Variants in TBC1D4 observed in about 807,000 individuals in gnomAD.
The protein encoded by TBC1D4 is TBC (Tre-2, BUB2, CDC16) domain-containing protein.
A neutral mutation model predicts 142.5 loss-of-function variants in TBC1D4; 121 were observed. That is an observed-to-expected ratio of 0.85 (90% CI 0.73 to 0.99). The LOEUF is 0.99. TBC1D4 is among the 50% of genes least tolerant of loss of function. TBC1D4 has a pLI of 0.00. For missense variants in TBC1D4, 1,475 were observed against 1,606.6 expected, an observed-to-expected ratio of 0.92 and a Z score of 1.40; for synonymous variants, 630 against 628.2, an observed-to-expected ratio of 1.00 and a Z score of -0.04.
At position 75,338,025 on chromosome 13, in the gene TBC1D4, G is replaced by T. The variant is rs938116601; in HGVS notation, c.1612-985C>A. On this transcript the variant is annotated intron_variant, in intron 7 of 20. Transcript: ENST00000377636. ...AACCTTGAATGTTCTTAAGTGCCAGGTAAATAGGAAGAATTAGCAATCCAA... is the reference window on the plus strand; with the variant it reads ...AACCTTGAATGTTCTTAAGTGCCAGTTAAATAGGAAGAATTAGCAATCCAA... Among the ~76,000 whole-genome samples, 14 of 152,298 alleles carry T rather than the reference G, an allele frequency of 9.2e-5. No homozygotes were observed. In the South Asian group the frequency reaches 2.9e-3, roughly 32 times the overall value.
chr13:75,461,592 G>A (rs1401001836), intron 1 of TBC1D4, among the ~76,000 whole-genome samples: 3 of 152,184 alleles, frequency 2.0e-5, no homozygotes, highest in Non-Finnish European at 4.4e-5. Flanking sequence ...GATTCAACCT[G>A]TAAATGTCAT....
At chr13:75,357,421 T>G (rs1400087768) in intron 3 of TBC1D4, among the ~76,000 whole-genome samples, 1 of 152,166 alleles carries the variant, frequency 6.6e-6, no homozygotes, top group Non-Finnish European at 1.5e-5. Flanking sequence ...ACCTCGATTT[T>G]CATCTTTCCA....
chr13:75,357,880 ATTTC>A (rs1283446798), intron 3 of TBC1D4, among the ~76,000 whole-genome samples: 6 of 152,176 alleles, frequency 3.9e-5, no homozygotes, highest in African/African-American at 1.4e-4. Flanking sequence ...GCTTCTGTTT[ATTTC>A]TTTTTCTGAA....
At chr13:75,461,688 G>T (rs149743665) in intron 1 of TBC1D4, among the ~76,000 whole-genome samples, 245 of 152,190 alleles carry the variant, frequency 1.6e-3, no homozygotes, top group African/African-American at 5.7e-3. Context: ...CTACATACAG[G>T]TAGCTACACT....
intron 16 of TBC1D4, among the ~76,000 whole-genome samples, chr13:75,301,216 A>AAT (rs1277932013): frequency 6.6e-6 from 1 of 152,192 alleles, no homozygotes; most frequent in Non-Finnish European, 1.5e-5. Flanking sequence ...GTCAAATGCC[A>AAT]ATATATAATA....
chr13:75,432,978 C>T (rs1403004433), intron 1 of TBC1D4, among the ~76,000 whole-genome samples: 4 of 151,648 alleles, frequency 2.6e-5, no homozygotes, highest in Admixed American at 2.6e-4. Context: ...GTCACAATGC[C>T]TATGCTCTTT....
intron 12 of TBC1D4, among the ~76,000 whole-genome samples, 196 bp downstream of exon 12, chr13:75,319,818 C>T (rs539582145): frequency 6.6e-6 from 1 of 152,300 alleles, no homozygotes; most frequent in South Asian, 2.1e-4. Context: ...TGTCTGCAAT[C>T]AACATTTTAC....
chr13:75,286,901 T>C lies in TBC1D4; in HGVS notation c.3788A>G (p.Glu1263Gly), dbSNP rs1192291085. The change falls in exon 21 of 21, where the codon GAG (glutamate) becomes GGG (glycine). Residue 1263 changes from glutamate to glycine, a missense_variant. Coordinates refer to ENST00000377636, the MANE Select transcript of TBC1D4 (RefSeq NM_014832.5). ...QEKMAYQKTVEQLRKLLPADA... is the reference protein window; with the variant it reads ...QEKMAYQKTVGQLRKLLPADA... ...CGCGGGCAGCAGCTTCCGGAGTTGC[T>C]CCACTGTCTTTTGATAAGCCATTTT... 6.2e-7 allele frequency: 1 copy of C among 1,613,998 alleles called. No homozygotes were observed. The highest frequency in any genetic ancestry group is 8.5e-7 in the Non-Finnish European group (1 of 1,179,974).
intron 17 of TBC1D4, among the ~76,000 whole-genome samples, chr13:75,296,648 T>C (rs1203252395): frequency 6.6e-6 from 1 of 151,666 alleles, no homozygotes; most frequent in Non-Finnish European, 1.5e-5. Context: ...AAGGCAAACC[T>C]GCAGATTAAA....
intron 15 of TBC1D4, chr13:75,302,925 A>G: frequency 5.9e-6 from 1 of 170,382 alleles, no homozygotes; most frequent in East Asian, 1.6e-4. Context: ...GCTTGAGGAT[A>G]GCAACAAATG....
intron 3 of TBC1D4, among the ~76,000 whole-genome samples, chr13:75,358,772 G>A (rs1249247097): frequency 6.6e-6 from 1 of 152,086 alleles, no homozygotes; most frequent in East Asian, 1.9e-4. Flanking sequence ...GCTAAGGTGG[G>A]AGGATTGCTT....
chr13:75,342,103 A>AG (rs1485450594), intron 5 of TBC1D4, among the ~76,000 whole-genome samples: 15 of 152,190 alleles, frequency 9.9e-5, no homozygotes, highest in African/African-American at 3.6e-4. Flanking sequence ...GAGGCGAGGC[A>AG]GGAGACTCAC....
intron 1 of TBC1D4, among the ~76,000 whole-genome samples, chr13:75,453,022 C>A (rs1219083077): frequency 2.0e-5 from 3 of 151,808 alleles, no homozygotes; most frequent in Non-Finnish European, 4.4e-5. Context: ...TCTTTTCTGC[C>A]AAAAATAAGC....
chr13:75,465,532 CCTGGTTCCAGT>C (rs963345163), intron 1 of TBC1D4, among the ~76,000 whole-genome samples: 5 of 152,136 alleles, frequency 3.3e-5, no homozygotes, highest in African/African-American at 1.2e-4. Flanking sequence ...GCTTCAATTT[CCTGGTTCCAGT>C]CTGGCTTCTC....
At chr13:75,348,525 G>C (rs889776564) in intron 5 of TBC1D4, among the ~76,000 whole-genome samples, 1 of 152,124 alleles carries the variant, frequency 6.6e-6, no homozygotes, top group Non-Finnish European at 1.5e-5. Flanking sequence ...GTCTTGTATA[G>C]TAGTTTTCAA....
chr13:75,298,738 G>C (rs1031025567), intron 17 of TBC1D4, among the ~76,000 whole-genome samples: 3 of 151,814 alleles, frequency 2.0e-5, no homozygotes, highest in Non-Finnish European at 4.4e-5. Flanking sequence ...GGGCAACAAA[G>C]CAAGATTCCA....
Position 75,349,319 on chromosome 13 carries a change from A to G in TBC1D4, c.1276-17T>C, listed in dbSNP as rs200675282. The G allele has an allele frequency of 1.5e-4, 243 of 1,613,560 alleles. No homozygotes were observed. In the African/African-American group the frequency reaches 2.9e-3, roughly 19 times the overall value. ...CTCATCAACCTACAGGAAGAAACAAAACTCAGGTCTATAAAAGTTGGCTTA... is the reference window on the plus strand; with the variant it reads ...CTCATCAACCTACAGGAAGAAACAAGACTCAGGTCTATAAAAGTTGGCTTA... On this transcript the variant is annotated splice_polypyrimidine_tract_variant and intron_variant, in intron 4 of 20. Coordinates refer to ENST00000377636, the MANE Select transcript of TBC1D4 (RefSeq NM_014832.5).
intron 1 of TBC1D4, among the ~76,000 whole-genome samples, chr13:75,391,378 C>T (rs146112169): frequency 1.2e-3 from 181 of 152,260 alleles, no homozygotes; most frequent in African/African-American, 4.3e-3. Context: ...TTCTTGAACC[C>T]ATATAACATC....
At chr13:75,344,658 T>A (rs2138092659) in intron 5 of TBC1D4, among the ~76,000 whole-genome samples, 1 of 152,298 alleles carries the variant, frequency 6.6e-6, no homozygotes, top group East Asian at 1.9e-4. Flanking sequence ...ACCCCCTCAA[T>A]TCACTTCAGT....
Sources: allele counts gnomAD v4.1 joint callset (sites outside exome capture counted in the v4.1 genomes callset), GRCh38; gene constraint gnomAD v4.1.1; transcripts MANE v1.5; gene names NCBI Gene and HGNC (gene_info 2026-07-23, HGNC 2026-07-21).